DLG2: variants seen among roughly 807,000 people sequenced by gnomAD.
DLG2 encodes discs large MAGUK scaffold protein 2.
In DLG2, 45 loss-of-function variants were observed where a neutral mutation model predicts 132.5. That is an observed-to-expected ratio of 0.34 (90% CI 0.27 to 0.44). The LOEUF (loss-of-function observed/expected upper bound fraction) is 0.44. DLG2 is among the 20% of genes least tolerant of loss of function. The pLI is 1.00. For synonymous variants in DLG2, 424 were observed against 419.6 expected (o/e 1.01, Z -0.13); for missense variants, 1,045 against 1,196.9 (o/e 0.87, Z 1.87).
chr11:83,969,106 A>T (rs2090827857), intron 12 of DLG2, among the ~76,000 whole-genome samples: 1 of 152,226 alleles, frequency 6.6e-6, no homozygotes, highest in Non-Finnish European at 1.5e-5. Flanking sequence ...ACTATTAATC[A>T]GGCAAATTTT....
At chr11:83,951,561 G>A (rs776200771) in intron 14 of DLG2, among the ~76,000 whole-genome samples, 2 of 152,188 alleles carry the variant, frequency 1.3e-5, no homozygotes, top group African/African-American at 2.4e-5. Flanking sequence ...AAACCATGTG[G>A]ACATGTGGAT....
chr11:85,126,482 G>T (rs916763780), intron 5 of DLG2, among the ~76,000 whole-genome samples: 25 of 152,102 alleles, frequency 1.6e-4, no homozygotes, highest in Non-Finnish European at 2.8e-4. Flanking sequence ...ACTATTAAAT[G>T]GTTAATCCCA....
chr11:85,162,116 C>G (rs2078077482), intron 4 of DLG2, among the ~76,000 whole-genome samples: 1 of 152,158 alleles, frequency 6.6e-6, no homozygotes, highest in Non-Finnish European at 1.5e-5. Context: ...ACTTTTAAGT[C>G]AACAGGCTAA....
At chr11:84,969,933 C>T (rs1000151236) in intron 6 of DLG2, among the ~76,000 whole-genome samples, 6 of 151,986 alleles carry the variant, frequency 3.9e-5, no homozygotes, top group African/African-American at 7.3e-5. Flanking sequence ...AACCAAACAC[C>T]GCATGTTTTC....
At chr11:85,298,091 C>G (rs932955960) in intron 3 of DLG2, among the ~76,000 whole-genome samples, 1 of 152,044 alleles carries the variant, frequency 6.6e-6, no homozygotes, top group Non-Finnish European at 1.5e-5. Context: ...AGGAGGGTAT[C>G]TGTGCTGGGG....
chr11:85,052,905 G>GA (rs2063040374), intron 6 of DLG2, among the ~76,000 whole-genome samples: 1 of 152,126 alleles, frequency 6.6e-6, no homozygotes, highest in African/African-American at 2.4e-5. Flanking sequence ...TTGGAGCTCA[G>GA]AATCATTTCA....
intron 3 of DLG2, among the ~76,000 whole-genome samples, chr11:85,523,773 T>G (rs1221110844): frequency 6.6e-6 from 1 of 152,212 alleles, no homozygotes; most frequent in Non-Finnish European, 1.5e-5. Flanking sequence ...AAGAGACATC[T>G]GCACTCCCAC....
chr11:84,981,813 T>A (rs1323902243), intron 6 of DLG2, among the ~76,000 whole-genome samples: 1 of 152,086 alleles, frequency 6.6e-6, no homozygotes, highest in Non-Finnish European at 1.5e-5. Context: ...TGTTTCTACT[T>A]CCTCACCTCC....
At chr11:84,497,037 C>T (rs2099186475) in intron 7 of DLG2, among the ~76,000 whole-genome samples, 1 of 152,058 alleles carries the variant, frequency 6.6e-6, no homozygotes, top group Non-Finnish European at 1.5e-5. Context: ...TCTCTGGTCT[C>T]GCATAAGAAC....
intron 6 of DLG2, among the ~76,000 whole-genome samples, chr11:84,775,781 A>T (rs770214466): frequency 4.4e-4 from 67 of 152,154 alleles, no homozygotes; most frequent in Admixed American, 9.2e-4. Context: ...TGAAAAACTA[A>T]CTATTGGGTA....
At chr11:84,970,005 C>T (rs192768187) in intron 6 of DLG2, among the ~76,000 whole-genome samples, 62 of 151,924 alleles carry the variant, frequency 4.1e-4, no homozygotes, top group African/African-American at 1.4e-3. Flanking sequence ...CATCACATAA[C>T]GGGGCCTTTT....
chr11:85,069,728 T>C (rs1193611726), intron 6 of DLG2, among the ~76,000 whole-genome samples: 2 of 152,130 alleles, frequency 1.3e-5, no homozygotes, highest in South Asian at 4.1e-4. Context: ...GTTTAACCAT[T>C]GTGGAAGTCA....
chr11:84,694,430 T>C (rs190893124), intron 6 of DLG2, among the ~76,000 whole-genome samples: 202 of 151,794 alleles, frequency 1.3e-3, no homozygotes, highest in Middle Eastern at 6.8e-3. Context: ...AATATTTTTA[T>C]TTCCTAAGCA....
chr11:84,619,898 T>C (rs969450676), intron 6 of DLG2, among the ~76,000 whole-genome samples: 1 of 151,654 alleles, frequency 6.6e-6, no homozygotes, highest in Non-Finnish European at 1.5e-5. Flanking sequence ...ACTTATAGGT[T>C]CAAAGAAATT....
intron 18 of DLG2, among the ~76,000 whole-genome samples, chr11:83,765,426 T>A (rs1251038080): frequency 6.6e-6 from 1 of 152,238 alleles, no homozygotes; most frequent in African/African-American, 2.4e-5. Context: ...TAAAATTCCA[T>A]ACTATAAATA....
intron 4 of DLG2, among the ~76,000 whole-genome samples, chr11:85,172,218 T>C (rs1014633022): frequency 6.6e-6 from 1 of 152,208 alleles, no homozygotes; most frequent in Non-Finnish European, 1.5e-5. Flanking sequence ...AGCATCAGGT[T>C]GGTGACCCCC....
intron 18 of DLG2, among the ~76,000 whole-genome samples, chr11:83,720,336 T>C (rs1363102051): frequency 1.2e-5 from 1 of 85,564 alleles, no homozygotes; most frequent in East Asian, 5.8e-4. Context: ...AGAATGACAT[T>C]CACTTAAGTT....
intron 6 of DLG2, among the ~76,000 whole-genome samples, chr11:85,067,322 G>C (rs1046857637): frequency 6.6e-6 from 1 of 151,692 alleles, no homozygotes; most frequent in Non-Finnish European, 1.5e-5. Context: ...TTTTTTGAAG[G>C]GTTTTTTGTG....
At chr11:84,801,391 A>G (rs1443593394) in intron 6 of DLG2, among the ~76,000 whole-genome samples, 1 of 152,102 alleles carries the variant, frequency 6.6e-6, no homozygotes, top group Non-Finnish European at 1.5e-5. Flanking sequence ...AACACTGTGA[A>G]ACCCCGTCTC....
Sources: allele counts gnomAD v4.1 joint callset (sites outside exome capture counted in the v4.1 genomes callset), GRCh38; gene constraint gnomAD v4.1.1; transcripts MANE v1.5; gene names NCBI Gene and HGNC (gene_info 2026-07-23, HGNC 2026-07-21).